BSN: variants seen among roughly 807,000 people sequenced by gnomAD.
BSN encodes protein bassoon.
In BSN, 57 loss-of-function variants were observed where a neutral mutation model predicts 264.8. That is an observed-to-expected ratio of 0.22 (90% CI 0.17 to 0.27). The LOEUF is 0.27. BSN is among the 10% of genes least tolerant of loss of function. The pLI, the probability that BSN is intolerant of heterozygous loss-of-function variation, is 1.00. For synonymous variants in BSN, 2,059 were observed against 2,137.3 expected (o/e 0.96, Z 1.01); for missense variants, 4,615 against 5,232.5 (o/e 0.88, Z 3.64).
chr3:49,573,615 C>T (rs1452296115), intron 1 of BSN, among the ~76,000 whole-genome samples: 2 of 151,668 alleles, frequency 1.3e-5, no homozygotes, highest in African/African-American at 4.8e-5. Flanking sequence ...TTGTTGCCCC[C>T]ATGAGGAGAG....
chr3:49,662,125 G>A lies in BSN; in HGVS notation c.10280G>A (p.Ser3427Asn), dbSNP rs1419425346. The A allele has an allele frequency of 6.2e-7, 1 of 1,613,564 alleles. No individual in the cohort carries two copies. The highest frequency in any genetic ancestry group is 1.7e-5 in the Admixed American group (1 of 60,036). Residue 3427 changes from serine to asparagine, a missense_variant, in exon 6 of 12, where the codon AGC becomes AAC. By Grantham distance (46) the Ser-to-Asn change is conservative. Transcript: ENST00000296452. ...CAGCAAAAATACTATGGGATGTCCA[G>A]CCGGGACGCAGTGGAGGACGACCGC... Reference protein sequence around the residue: ...YEQQKYYGMSSRDAVEDDRIY... With the variant: ...YEQQKYYGMSNRDAVEDDRIY...
Position 49,652,480 on chromosome 3 carries a change from C to G in BSN, c.2924C>G (p.Ser975Cys). 1 of 1,613,832 alleles carries G rather than the reference C, an allele frequency of 6.2e-7. No homozygotes were observed. The highest frequency in any genetic ancestry group is 8.5e-7 in the Non-Finnish European group (1 of 1,180,012). Residue 975 changes from serine (S) to cysteine (C), a missense_variant, in exon 5 of 12, where the codon TCC (serine) becomes TGC (cysteine). By Grantham distance (112) the Ser-to-Cys change is moderately radical. Coordinates refer to ENST00000296452, the MANE Select transcript of BSN (RefSeq NM_003458.4). ...CTAACGGGCTCCCCTGAGGACCGCT[C>G]CCGTGGTGAGCACTCCTCTACATTG... ...ESLTGSPEDRSRGEHSSTLPA... is the reference protein window; with the variant it reads ...ESLTGSPEDRCRGEHSSTLPA...
chr3:49,597,879 G>A (rs2052038484), intron 1 of BSN, among the ~76,000 whole-genome samples: 2 of 152,008 alleles, frequency 1.3e-5, no homozygotes, highest in African/African-American at 4.8e-5. Flanking sequence ...TCCTGACCTC[G>A]TGATCCACCT....
At position 49,642,504 on chromosome 3, in the gene BSN, T is replaced by C. The variant is rs758826087; in HGVS notation, c.870T>C (p.Pro290=). Residue 290 remains proline, a synonymous_variant, in exon 3 of 12, where the codon CCT becomes CCC. Coordinates refer to ENST00000296452, the MANE Select transcript of BSN (RefSeq NM_003458.4). The surrounding 1 kb of genome is among the most constrained non-coding windows in gnomAD (Gnocchi z 7.0). ...ETARATSVPG[P]AQAAAPPEVG... is the part of the protein sequence containing the mutation. ...CCAGGGCCACCTCAGTGCCGGGGCC[T>C]GCCCAAGCAGCTGCCCCTCCAGAGG... 1.9e-6 allele frequency: 3 copies of C among 1,568,672 alleles called. No individual in the cohort carries two copies. The highest frequency in any genetic ancestry group is 2.6e-6 in the Non-Finnish European group (3 of 1,157,842).
Position 49,653,017 on chromosome 3 carries a change from A to G in BSN, c.3461A>G (p.Asn1154Ser). ...CTTTACAAGTCAGGCAGTGAGTACA[A>G]CCTGCCCACCTTCATGTCCCTCTAC... ...SRLYKSGSEY[N>S]LPTFMSLYSP... The change falls in exon 5 of 12, where the codon AAC becomes AGC. Residue 1154 changes from asparagine (N) to serine (S), a missense_variant. Asn to Ser is a conservative substitution (Grantham distance 46). This residue lies in a region of BSN where 3,415 missense variants were observed against 3,866.4 expected (regional missense o/e 0.88). Coordinates refer to ENST00000296452, the MANE Select transcript of BSN (RefSeq NM_003458.4). This position sits in a 1 kb window ranked among gnomAD's most constrained non-coding sequence, Gnocchi z 6.3. 6.2e-7 allele frequency: 1 copy of G among 1,613,536 alleles called. No individual in the cohort carries two copies.
intron 3 of BSN, among the ~76,000 whole-genome samples, chr3:49,643,540 G>A (rs10452032): frequency 0.82 from 124,478 of 152,134 alleles, 51,288 homozygotes; most frequent in East Asian, 0.99. Flanking sequence ...TCAGAGGGGT[G>A]GGGATCGAAT....
Position 49,656,755 on chromosome 3 carries a change from A to G in BSN, c.7199A>G (p.Glu2400Gly). ...LQEELERERV[E>G]LQRHREEEQL... ...GAGGAGCTAGAGCGGGAACGTGTGG[A>G]GCTGCAGAGGCACCGTGAGGAGGAG... Residue 2400 changes from glutamate to glycine, a missense_variant, in exon 5 of 12, where the codon GAG becomes GGG. By Grantham distance (98) the Glu-to-Gly change is moderately conservative. Transcript: ENST00000296452. 6.3e-7 allele frequency: 1 copy of G among 1,578,734 alleles called. No homozygotes were observed. The highest frequency in any genetic ancestry group is 1.2e-5 in the South Asian group (1 of 86,802).
chr3:49,628,943 G>A (rs1328543853), intron 2 of BSN, among the ~76,000 whole-genome samples: 2 of 152,092 alleles, frequency 1.3e-5, no homozygotes, highest in South Asian at 2.1e-4. Flanking sequence ...CCCAGTCCTC[G>A]TAGCTCAGGG....
intron 1 of BSN, among the ~76,000 whole-genome samples, chr3:49,576,003 G>A (rs1559595971): frequency 6.6e-6 from 1 of 151,926 alleles, no homozygotes; most frequent in African/African-American, 2.4e-5. Flanking sequence ...TGAACAATAC[G>A]GGAGATACTT....
In BSN at chr3:49,661,137, G is replaced by A; in HGVS notation, c.9292G>A (p.Ala3098Thr). 6 of 1,612,498 alleles carry A rather than the reference G, an allele frequency of 3.7e-6. No homozygotes were observed. The highest frequency in any genetic ancestry group is 1.3e-5 in the African/African-American group (1 of 74,690). Residue 3098 changes from alanine to threonine, a missense_variant, in exon 6 of 12, where the codon GCC becomes ACC. Physicochemically the swap from Ala to Thr is moderately conservative, Grantham distance 58. Coordinates refer to ENST00000296452, the MANE Select transcript of BSN (RefSeq NM_003458.4). Reference sequence around the variant, plus strand: ...CCCAGCTCCTGCCTTTCCTCCTGGTGCCAGTTACCCAGCTGAGCCTGGCCT... The same window carrying A: ...CCCAGCTCCTGCCTTTCCTCCTGGTACCAGTTACCCAGCTGAGCCTGGCCT... ...TYPAPAFPPG[A>T]SYPAEPGLPN...
chr3:49,579,522 C>T (rs2051877663), intron 1 of BSN, among the ~76,000 whole-genome samples: 1 of 151,986 alleles, frequency 6.6e-6, no homozygotes, highest in Non-Finnish European at 1.5e-5. Context: ...CCTGCCTCAG[C>T]CTCCTAAGTA....
rs1309495389 is a variant in BSN at position 49,656,228 on chromosome 3, G to A, written c.6672G>A (p.Met2224Ile). 1 of 1,610,998 alleles carries A rather than the reference G, an allele frequency of 6.2e-7. No homozygotes were observed. Among genetic ancestry groups the A allele is most frequent in the South Asian group, 1.1e-5 (1 of 90,626 alleles). ...SVLRPMVRGGMYRPYASGGIT... is the reference protein window; with the variant it reads ...SVLRPMVRGGIYRPYASGGIT... ...TGCGGCCCATGGTGCGTGGTGGCATGTACAGGCCTTACGCATCTGGTGGAA... is the reference window on the plus strand; with the variant it reads ...TGCGGCCCATGGTGCGTGGTGGCATATACAGGCCTTACGCATCTGGTGGAA... Residue 2224 changes from methionine (M) to isoleucine (I), a missense_variant, in exon 5 of 12, where the codon ATG becomes ATA. Around this residue, in one of 3 missense-constraint regions of BSN, gnomAD observed 3,415 missense variants for 3,866.4 expected, o/e 0.88. Transcript: ENST00000296452.
At chr3:49,586,287 A>C (rs1454299677) in intron 1 of BSN, among the ~76,000 whole-genome samples, 2 of 152,156 alleles carry the variant, frequency 1.3e-5, no homozygotes, top group Non-Finnish European at 2.9e-5. Context: ...ATAGGGGTCT[A>C]GTTTCATTCT....
Position 49,662,022 on chromosome 3 carries a change from G to T in BSN, c.10177G>T (p.Val3393Phe), listed in dbSNP as rs201855964. 35 of 1,613,896 alleles carry T rather than the reference G, an allele frequency of 2.2e-5. 1 individual carries two copies. The highest frequency in any genetic ancestry group is 3.0e-5 in the Non-Finnish European group (35 of 1,180,048). ...CCTGGCGTCCTACCCCCCACCTGCA[G>T]TCAGCAGCAGCCTGGTCTCTCGGGG... ...SDLASYPPPA[V>F]SSSLVSRGRK... Residue 3393 changes from valine to phenylalanine, a missense_variant, in exon 6 of 12, where the codon GTC becomes TTC. Around this residue, in one of 3 missense-constraint regions of BSN, gnomAD observed 3,415 missense variants for 3,866.4 expected, o/e 0.88. Coordinates refer to ENST00000296452, the MANE Select transcript of BSN (RefSeq NM_003458.4).
chr3:49,556,530 TA>T (rs1376358688), intron 1 of BSN, among the ~76,000 whole-genome samples: 5 of 152,190 alleles, frequency 3.3e-5, no homozygotes, highest in Non-Finnish European at 7.3e-5. Flanking sequence ...GCAAGGCTCA[TA>T]CCTGAGCCTG....
chr3:49,663,151 C>T lies in BSN; in HGVS notation c.10993C>T (p.Arg3665Cys), dbSNP rs753657495. Residue 3665 changes from arginine (R) to cysteine (C), a missense_variant, in exon 7 of 12, where the codon CGT (arginine) becomes TGT (cysteine). Around this residue, in one of 3 missense-constraint regions of BSN, gnomAD observed 3,415 missense variants for 3,866.4 expected, o/e 0.88. Transcript: ENST00000296452. The part of the protein sequence containing the change: ...GRHTGEEPGR[R>C]AAKPHARDLG... ...CCACACTGGTGAGGAGCCGGGACGG[C>T]GTGCTGCCAAACCACACGCTCGGGA... is the stretch of plus-strand genomic sequence containing the variant. 5.0e-6 allele frequency: 8 copies of T among 1,612,576 alleles called. No homozygotes were observed. The highest frequency in any genetic ancestry group is 3.3e-5 in the Admixed American group (2 of 59,936).
In BSN at chr3:49,664,557, A is replaced by G. The variant is rs749434962; in HGVS notation, c.11740+3A>G. 25 of 1,595,974 alleles carry G rather than the reference A, an allele frequency of 1.6e-5. No individual in the cohort carries two copies. The highest frequency in any genetic ancestry group is 2.7e-5 in the African/African-American group (2 of 74,798). ...GCAAGCTGGCAAACTGACGGAAGGT[A>G]TGCACTGCCTGCAACTGGTCTGTGG... On this transcript the variant is annotated splice_donor_region_variant and intron_variant, in intron 9 of 11. Transcript: ENST00000296452.
chr3:49,649,470 C>T (rs1452893553), intron 3 of BSN, among the ~76,000 whole-genome samples: 1 of 152,182 alleles, frequency 6.6e-6, no homozygotes, highest in African/African-American at 2.4e-5. Flanking sequence ...TTCTCCATCC[C>T]ATGTGGGCCA....
In BSN at chr3:49,569,056, G is replaced by A. The variant is rs146969915; in HGVS notation, c.224+14230G>A. ...GGATTGCTGAATGGTTGGCTGTGAA[G>A]AGTTGAAGAGAGGAGTCAGGAGGAG... On this transcript the variant is annotated intron_variant, in intron 1 of 11. Transcript: ENST00000296452. Among the ~76,000 whole-genome samples, 3 of 152,280 alleles carry A rather than the reference G, an allele frequency of 2.0e-5. No homozygotes were observed. In the East Asian group the frequency reaches 5.8e-4, roughly 29 times the overall value.
Sources: gnomAD v4.1 joint callset for allele counts (sites outside exome capture counted in the v4.1 genomes callset) on GRCh38, gnomAD v4.1.1 for gene constraint, gnomAD v4.1.1 regional missense constraint, Gnocchi (gnomAD v3.1) non-coding constraint, MANE v1.5 for transcripts, NCBI Gene and HGNC (gene_info 2026-07-23, HGNC 2026-07-21) for gene names.